IFT140: variants seen among roughly 807,000 people sequenced by gnomAD.
IFT140 encodes intraflagellar transport protein 140 homolog.
Under a neutral mutation model 164.6 loss-of-function variants are expected in IFT140, and 133 were observed. The observed-to-expected ratio is 0.81, with a 90% confidence interval of 0.70 to 0.93. IFT140 has a LOEUF of 0.93. Among genes scored for constraint, IFT140 ranks in the 40% least tolerant of loss-of-function variants. The probability of loss-of-function intolerance (pLI) is 0.00; values close to 1 mark genes in which losing one functional copy is unlikely to be tolerated. For synonymous variants in IFT140, 860 were observed against 817.3 expected, an observed-to-expected ratio of 1.05 and a Z score of -0.89; for missense variants, 2,045 against 1,972.3, an observed-to-expected ratio of 1.04 and a Z score of -0.70.
intron 4 of IFT140, among the ~76,000 whole-genome samples, chr16:1,596,918 G>A (rs1045409348): frequency 6.6e-6 from 1 of 152,020 alleles, no homozygotes; most frequent in Non-Finnish European, 1.5e-5. Context: ...TATTTCACAC[G>A]GTATAATTTT....
chr16:1,524,961 C>A (rs2040639009), intron 22 of IFT140, 45 bp from the exon 23 acceptor site: 2 of 1,575,022 alleles, frequency 1.3e-6, no homozygotes, highest in Non-Finnish European at 1.7e-6. Flanking sequence ...GAGCCCCGCT[C>A]CAACCCGGGA....
intron 18 of IFT140, among the ~76,000 whole-genome samples, chr16:1,560,648 T>G (rs141577601): frequency 1.5e-3 from 234 of 152,326 alleles, no homozygotes; most frequent in African/African-American, 5.2e-3. Flanking sequence ...CTGCCTGTCC[T>G]TCCCCTTCTC....
At chr16:1,563,263 T>G (rs1474573966) in intron 17 of IFT140, among the ~76,000 whole-genome samples, 1 of 151,886 alleles carries the variant, frequency 6.6e-6, no homozygotes, top group Non-Finnish European at 1.5e-5. Context: ...GATTTGCTTC[T>G]GAACTCAGGG....
At position 1,586,182 on chromosome 16, in the gene IFT140, C is replaced by G. The variant is rs765706103; in HGVS notation, c.1103G>C (p.Arg368Thr). Residue 368 changes from arginine to threonine, a missense_variant, in exon 10 of 31, where the codon AGG (arginine) becomes ACG (threonine). By Grantham distance (71) the Arg-to-Thr change is moderately conservative. Transcript: ENST00000426508. ...CTCGGTAGGGGTCTGAAGGGCCCAC[C>G]TGTCCTTGCCCTCTGCCCCGGGGCT... ...LGSPGAEGKD[R>T]WALQTPTELQ... 1 of 1,614,098 alleles carries G rather than the reference C, an allele frequency of 6.2e-7. No individual in the cohort carries two copies. Among genetic ancestry groups the G allele is most frequent in the Non-Finnish European group, 8.5e-7 (1 of 1,180,032 alleles).
chr16:1,550,177 C>T (rs2032517401), intron 19 of IFT140, among the ~76,000 whole-genome samples: 1 of 151,974 alleles, frequency 6.6e-6, no homozygotes, highest in Non-Finnish European at 1.5e-5. Context: ...CGGGCTCAAG[C>T]AATCTGTCCA....
At chr16:1,577,371 G>C (rs916591147) in intron 13 of IFT140, 2 of 152,194 alleles carry the variant, frequency 1.3e-5, no homozygotes, top group Non-Finnish European at 2.9e-5. Context: ...TTTACTGTAA[G>C]AATGCACTAT....
chr16:1,558,265 C>T (rs912155115), intron 18 of IFT140, 131 bp from the exon 19 acceptor site: 2 of 864,354 alleles, frequency 2.3e-6, no homozygotes, highest in African/African-American at 3.4e-5. Context: ...TATTTACCAA[C>T]AGGCCCAGTC....
intron 3 of IFT140, among the ~76,000 whole-genome samples, chr16:1,606,539 C>T (rs1043319238): frequency 4.6e-5 from 7 of 152,366 alleles, no homozygotes; most frequent in African/African-American, 7.2e-5. Flanking sequence ...CCGCTCACTG[C>T]AACCCCTGCC....
chr16:1,573,290 G>A (rs1362096403), intron 13 of IFT140, among the ~76,000 whole-genome samples: 3 of 152,150 alleles, frequency 2.0e-5, no homozygotes, highest in Non-Finnish European at 4.4e-5. Context: ...CACTATTAAT[G>A]ATGACAGAGA....
At chr16:1,591,064 C>T (rs765122807) in intron 6 of IFT140, among the ~76,000 whole-genome samples, 9 of 152,130 alleles carry the variant, frequency 5.9e-5, no homozygotes, top group Non-Finnish European at 8.8e-5. Flanking sequence ...CCAGTATTAC[C>T]CCCTTTTCCA....
rs1260701017 is a variant in IFT140, at chr16:1,551,341, G to A, written c.2399+6594C>T. 6.6e-6 allele frequency among the ~76,000 whole-genome samples: 1 copy of A among 152,050 alleles called. No homozygotes were observed. The highest frequency in any genetic ancestry group is 1.5e-5 in the Non-Finnish European group (1 of 67,998). On this transcript the variant is annotated intron_variant, in intron 19 of 30. Coordinates refer to ENST00000426508, the MANE Select transcript of IFT140 (RefSeq NM_014714.4). The surrounding 1 kb of genome is among the most constrained non-coding windows in gnomAD (Gnocchi z 4.0). ...GCCCGAAGGATCAGCAGCAGGAGGG[G>A]CCCCTCCTCCCCAGGGCCAGTCAAG...
At chr16:1,557,000 G>A (rs1480857872) in intron 19 of IFT140, among the ~76,000 whole-genome samples, 6 of 151,994 alleles carry the variant, frequency 3.9e-5, no homozygotes, top group Admixed American at 6.6e-5. Context: ...TAGTAGAGAT[G>A]GGGGGGCGGT....
chr16:1,544,509 TAGTAGA>T (rs1425065596), intron 19 of IFT140, among the ~76,000 whole-genome samples: 1 of 151,984 alleles, frequency 6.6e-6, no homozygotes, highest in Non-Finnish European at 1.5e-5. Context: ...TTTGTGTTTT[TAGTAGA>T]GACGGGGTTT....
chr16:1,568,177 G>C, intron 15 of IFT140, 40 bp downstream of exon 15: 5 of 1,424,932 alleles, frequency 3.5e-6, no homozygotes, highest in Non-Finnish European at 4.8e-6. Context: ...GGACAGAGGT[G>C]AGGAGGCGGA....
chr16:1,563,981 A>T lies in IFT140; in HGVS notation c.2067+16T>A, dbSNP rs1357430765. On this transcript the variant is annotated intron_variant, in intron 17 of 30. Coordinates refer to ENST00000426508, the MANE Select transcript of IFT140 (RefSeq NM_014714.4). ...ACTGAGTGTGTCTAAACTCAAATAC[A>T]ACAGGCAGAGCGTACCGCAGGGCCA... 4.5e-6 allele frequency: 7 copies of T among 1,548,320 alleles called. No homozygotes were observed. The highest frequency in any genetic ancestry group is 5.3e-6 in the Non-Finnish European group (6 of 1,138,358).
intron 19 of IFT140, among the ~76,000 whole-genome samples, chr16:1,550,258 G>T (rs1398815313): frequency 6.6e-6 from 1 of 152,184 alleles, no homozygotes; most frequent in Non-Finnish European, 1.5e-5. Flanking sequence ...TCTATATTTA[G>T]AAACAGTGTT....
At chr16:1,604,338 G>A (rs2035955442) in intron 3 of IFT140, 1 of 148,688 alleles carries the variant, frequency 6.7e-6, no homozygotes, top group Non-Finnish European at 1.5e-5. Context: ...CAGTTCCTAA[G>A]GGGCCACTTA....
At chr16:1,605,978 G>C (rs1259030588) in intron 3 of IFT140, among the ~76,000 whole-genome samples, 1 of 152,184 alleles carries the variant, frequency 6.6e-6, no homozygotes, top group African/African-American at 2.4e-5. Context: ...ATACAGAAGG[G>C]AAGGCCGGAT....
At chr16:1,563,208 C>T (rs2033515269) in intron 17 of IFT140, among the ~76,000 whole-genome samples, 2 of 152,034 alleles carry the variant, frequency 1.3e-5, no homozygotes, top group Non-Finnish European at 2.9e-5. Context: ...GGTGGAGATG[C>T]CACCTGGACG....
Sources: allele counts gnomAD v4.1 joint callset (sites outside exome capture counted in the v4.1 genomes callset), GRCh38; gene constraint gnomAD v4.1.1; non-coding constraint Gnocchi (gnomAD v3.1); transcripts MANE v1.5; gene names NCBI Gene and HGNC (gene_info 2026-07-23, HGNC 2026-07-21).